The following CACNA1I variants were observed in gnomAD, a reference collection of about 807,000 sequenced individuals.
The protein encoded by CACNA1I is calcium voltage-gated channel subunit alpha1 I.
In CACNA1I, 74 loss-of-function variants were observed where a neutral mutation model predicts 201.6. The observed-to-expected ratio is 0.37, with a 90% CI of 0.30 to 0.45. The LOEUF (loss-of-function observed/expected upper bound fraction) is 0.45, where lower values mean the gene tolerates loss of function less well. CACNA1I is among the 20% of genes least tolerant of loss of function. The pLI is 1.00. For synonymous variants in CACNA1I, 1,431 were observed against 1,345.2 expected (o/e 1.06, Z -1.40); for missense variants, 2,346 against 3,138.1 (o/e 0.75, Z 6.03).
At chr22:39,607,575 C>T (rs534805830) in intron 3 of CACNA1I, among the ~76,000 whole-genome samples, 23 of 152,304 alleles carry the variant, frequency 1.5e-4, no homozygotes, top group Non-Finnish European at 2.6e-4. Context: ...GTCTGGGAAC[C>T]GCAGGAAGGG....
At chr22:39,644,991 A>G (rs1253690219) in intron 7 of CACNA1I, among the ~76,000 whole-genome samples, 4 of 144,730 alleles carry the variant, frequency 2.8e-5, no homozygotes, top group Non-Finnish European at 6.0e-5. Context: ...CCCGGCCCCC[A>G]GTGCTTTTTT....
At position 39,649,501 on chromosome 22, in the gene CACNA1I, A is replaced by G; in HGVS notation, c.1568A>G (p.Glu523Gly). The change falls in exon 10 of 37, where the codon GAG becomes GGG. Residue 523 changes from glutamate to glycine, a missense_variant and splice_region_variant. This residue lies in a region of CACNA1I where 312 missense variants were observed against 331.5 expected (regional missense o/e 0.94). Transcript: ENST00000402142. This position sits in a 1 kb window ranked among gnomAD's most constrained non-coding sequence, Gnocchi z 7.3. ...TATGCCCCTCTCATTTGCTTTTCAG[A>G]GCTGTGCCCGCAACATAGCCCCCTG... ...ASPGNDHSGR[E>G]LCPQHSPLDA... The G allele has an allele frequency of 6.4e-7, 1 of 1,562,668 alleles. No individual in the cohort carries two copies. The highest frequency in any genetic ancestry group is 8.7e-7 in the Non-Finnish European group (1 of 1,154,116).
chr22:39,602,808 A>G (rs1349207700), intron 3 of CACNA1I, among the ~76,000 whole-genome samples: 1 of 152,004 alleles, frequency 6.6e-6, no homozygotes, highest in Non-Finnish European at 1.5e-5. Context: ...TACCTTCACA[A>G]TCAGACCTTT....
intron 4 of CACNA1I, 124 bp downstream of exon 4, chr22:39,619,531 G>A: frequency 1.4e-6 from 1 of 697,820 alleles, no homozygotes; most frequent in Non-Finnish European, 2.5e-6. Context: ...AGACTGATTA[G>A]GGCCCGGGTG....
At chr22:39,589,065 GCA>G (rs951830684) in intron 1 of CACNA1I, among the ~76,000 whole-genome samples, 1 of 152,142 alleles carries the variant, frequency 6.6e-6, no homozygotes, top group African/African-American at 2.4e-5. Flanking sequence ...TGTTTTAGCT[GCA>G]TTCCTGGTCT....
chr22:39,649,732 G>C lies in CACNA1I; in HGVS notation c.1799G>C (p.Gly600Ala), dbSNP rs753703421. 4.4e-5 allele frequency: 69 copies of C among 1,561,702 alleles called. No individual in the cohort carries two copies. The highest frequency in any genetic ancestry group is 5.6e-5 in the Non-Finnish European group (65 of 1,153,782). Reference protein sequence around the residue: ...DGDGARSSEDGASSELGKEEE... With the variant: ...DGDGARSSEDAASSELGKEEE... The stretch of plus-strand genomic sequence containing the variant: ...GACGGGGCCCGGAGCAGCGAGGACG[G>C]AGCCTCCTCAGAACTGGGGAAGGAG... Residue 600 changes from glycine to alanine, a missense_variant, in exon 10 of 37, where the codon GGA (glycine) becomes GCA (alanine). By Grantham distance (60) the Gly-to-Ala change is moderately conservative (BLOSUM62 0). This residue lies in a region of CACNA1I where 312 missense variants were observed against 331.5 expected (regional missense o/e 0.94). Transcript: ENST00000402142. This position sits in a 1 kb window ranked among gnomAD's most constrained non-coding sequence, Gnocchi z 7.3.
intron 3 of CACNA1I, among the ~76,000 whole-genome samples, chr22:39,617,986 G>A (rs906222296): frequency 2.0e-5 from 3 of 151,762 alleles, no homozygotes; most frequent in African/African-American, 4.9e-5. Flanking sequence ...GTAGGAGTGT[G>A]CATGTATGAG....
In CACNA1I at chr22:39,661,268, T is replaced by A. The variant is rs136852; in HGVS notation, c.2859T>A (p.Ser953Arg). 8 of 1,606,496 alleles carry A rather than the reference T, an allele frequency of 5.0e-6. No individual in the cohort carries two copies. Among genetic ancestry groups the A allele is most frequent in the Non-Finnish European group, 6.8e-6 (8 of 1,176,418 alleles). The part of the protein sequence containing the change: ...MLVALGSRKS[S>R]VMSLGRMSYD... ...TGGCCCTGGGCTCCCGAAAGAGCAG[T>A]GTCATGTCTCTAGGGAGGATGAGCT... The change falls in exon 16 of 37, where the codon AGT becomes AGA. Residue 953 changes from serine (S) to arginine (R), a missense_variant. Ser to Arg is a moderately radical substitution (Grantham distance 110, BLOSUM62 -1). Around this residue, in one of 13 missense-constraint regions of CACNA1I, gnomAD observed 288 missense variants for 255.2 expected, o/e 1.13. Coordinates refer to ENST00000402142, the MANE Select transcript of CACNA1I (RefSeq NM_021096.4).
chr22:39,663,697 G>GCCCCCCCCCC, intron 18 of CACNA1I, 21 bp from the exon 19 acceptor site: 14 of 1,592,532 alleles, frequency 8.8e-6, no homozygotes, highest in African/African-American at 1.3e-5. Context: ...CGCTCAGGCA[G>GCCCCCCCCCC]CCCCCGCCCA....
At chr22:39,571,927 G>A (rs1324746520) in intron 1 of CACNA1I, among the ~76,000 whole-genome samples, 1 of 151,748 alleles carries the variant, frequency 6.6e-6, no homozygotes, top group Non-Finnish European at 1.5e-5. Context: ...GTGTACATGG[G>A]CAATGCCAGA....
At chr22:39,658,408 T>C in intron 11 of CACNA1I, 105 bp downstream of exon 11, 1 of 1,061,180 alleles carries the variant, frequency 9.4e-7, no homozygotes, top group Non-Finnish European at 1.4e-6. Context: ...TGGAAACCCG[T>C]TGCACTGAAA....
At chr22:39,588,831 G>T (rs74488486) in intron 1 of CACNA1I, among the ~76,000 whole-genome samples, 8,442 of 152,196 alleles carry the variant, frequency 0.055, 262 homozygotes, top group Non-Finnish European at 0.062. Flanking sequence ...CTGTAGATTG[G>T]CTTCTCCTGG....
At chr22:39,577,029 G>T (rs552417129) in intron 1 of CACNA1I, among the ~76,000 whole-genome samples, 1 of 151,994 alleles carries the variant, frequency 6.6e-6, no homozygotes, top group Non-Finnish European at 1.5e-5. Context: ...TCGGCTCACT[G>T]CAACCTTCGC....
chr22:39,624,662 G>A (rs1353017022), intron 4 of CACNA1I, among the ~76,000 whole-genome samples: 1 of 152,188 alleles, frequency 6.6e-6, no homozygotes, highest in Non-Finnish European at 1.5e-5. Flanking sequence ...GGGGCTTAAA[G>A]TCCATTGGTC....
intron 10 of CACNA1I, among the ~76,000 whole-genome samples, chr22:39,650,491 G>T (rs1056959383): frequency 6.6e-6 from 1 of 152,144 alleles, no homozygotes; most frequent in Non-Finnish European, 1.5e-5. Context: ...AACAGCTGGG[G>T]TGATTCTTCC....
intron 34 of CACNA1I, 70 bp downstream of exon 34, chr22:39,681,122 G>C (rs1335498868): frequency 3.3e-6 from 5 of 1,512,400 alleles, no homozygotes; most frequent in Non-Finnish European, 8.9e-7. Flanking sequence ...CACCCAGGCA[G>C]GACCCCCCTG....
In CACNA1I at chr22:39,689,230, G is replaced by GA. The variant is rs2046313824; in HGVS notation, c.*2826dup. 1 of 153,026 alleles carries GA rather than the reference G, an allele frequency of 6.5e-6. No homozygotes were observed. The highest frequency in any genetic ancestry group is 1.9e-4 in the East Asian group (1 of 5,198). 9.5% of individuals were successfully genotyped at this position (153,026 alleles called of 1,614,324 possible). A position where few individuals can be genotyped will look rare whatever the true frequency, so the allele number is the denominator to read the frequency against. ...GCAGGCACCTTGGCATCTGTGCAGAGACGGCCCAGTCTGGCCAAATCCTCT... is the reference window on the plus strand; with the variant it reads ...GCAGGCACCTTGGCATCTGTGCAGAGAACGGCCCAGTCTGGCCAAATCCTCT... On this transcript the variant is annotated 3_prime_UTR_variant, in exon 37 of 37. Coordinates refer to ENST00000402142, the MANE Select transcript of CACNA1I (RefSeq NM_021096.4).
intron 10 of CACNA1I, among the ~76,000 whole-genome samples, chr22:39,655,672 G>A (rs550348773): frequency 1.5e-4 from 23 of 152,082 alleles, no homozygotes; most frequent in African/African-American, 5.5e-4. Context: ...CTATCTGTCT[G>A]TCTGTCTGTC....
intron 1 of CACNA1I, among the ~76,000 whole-genome samples, chr22:39,597,208 A>G (rs1601805138): frequency 6.6e-6 from 1 of 152,088 alleles, no homozygotes; most frequent in South Asian, 2.1e-4. Flanking sequence ...CAGGCTTCGG[A>G]TTTCTTACTG....
Sources: allele counts gnomAD v4.1 joint callset (sites outside exome capture counted in the v4.1 genomes callset), GRCh38; gene constraint gnomAD v4.1.1; regional missense constraint gnomAD v4.1.1; non-coding constraint Gnocchi (gnomAD v3.1); transcripts MANE v1.5; gene names NCBI Gene and HGNC (gene_info 2026-07-23, HGNC 2026-07-21).